The following CDON variants were observed in gnomAD, a reference collection of about 807,000 sequenced individuals.
The protein encoded by CDON is cell adhesion molecule-related/down-regulated by oncogenes.
CDON carries 73 observed loss-of-function variants against 120.9 expected under a neutral mutation model. That is an observed-to-expected ratio of 0.60 (90% CI 0.50 to 0.73). The LOEUF (loss-of-function observed/expected upper bound fraction) is 0.73, where lower values mean the gene tolerates loss of function less well. CDON is among the 30% of genes least tolerant of loss of function. The pLI is 0.00. For missense variants in CDON, 1,470 were observed against 1,587.3 expected (o/e 0.93, Z 1.26); for synonymous variants, 566 against 573.5 (o/e 0.99, Z 0.19).
At chr11:126,016,530 T>C (rs1043902620) in intron 6 of CDON, among the ~76,000 whole-genome samples, 3 of 152,162 alleles carry the variant, frequency 2.0e-5, no homozygotes, top group African/African-American at 4.8e-5. Flanking sequence ...CCTCCCGGGT[T>C]CAAACCACCC....
At chr11:125,965,726 T>G (rs1441304613) in intron 18 of CDON, among the ~76,000 whole-genome samples, 1 of 152,204 alleles carries the variant, frequency 6.6e-6, no homozygotes, top group African/African-American at 2.4e-5. Context: ...AATCCCAGAA[T>G]GACTTAAAGT....
In CDON at chr11:125,993,395, G is replaced by GCA. The variant is rs72031190; in HGVS notation, c.2650+887_2650+888dup. On this transcript the variant is annotated intron_variant, in intron 14 of 19. Transcript: ENST00000531738. ...CTCACACACACATGCGCGCGTGCGTGCACACACACACACACACACACACAC... is the reference window on the plus strand; with the variant it reads ...CTCACACACACATGCGCGCGTGCGTGCACACACACACACACACACACACACAC... Among the ~76,000 whole-genome samples, 121 of 150,998 alleles carry GCA rather than the reference G, an allele frequency of 8.0e-4. No homozygotes were observed. The East Asian group carries it at 9.4e-3, about 12-fold the overall frequency.
chr11:126,063,076 CA>C (rs1948846444), upstream of CDON: 1 of 152,086 alleles, frequency 6.6e-6, no homozygotes, highest in South Asian at 2.1e-4. Context: ...GCGGCGGGGG[CA>C]CGGGCCGTAC....
chr11:126,063,011 T>C (rs1467995739), upstream of CDON, among the ~76,000 whole-genome samples: 1 of 151,512 alleles, frequency 6.6e-6, no homozygotes, highest in Non-Finnish European at 1.5e-5. Context: ...TAGAGGCCGC[T>C]GTGCCCCGCC....
intron 1 of CDON, among the ~76,000 whole-genome samples, chr11:126,043,850 G>A (rs1203541498): frequency 1.3e-5 from 2 of 152,176 alleles, no homozygotes; most frequent in African/African-American, 4.8e-5. Context: ...TGGATTTCAG[G>A]AGGTATGAAA....
At chr11:125,972,662 G>C (rs1204113106) in intron 18 of CDON, among the ~76,000 whole-genome samples, 1 of 152,108 alleles carries the variant, frequency 6.6e-6, no homozygotes, top group Non-Finnish European at 1.5e-5. Context: ...ATAGATGGGT[G>C]ATAAAAGGGG....
chr11:126,038,450 G>A (rs491876), intron 1 of CDON, among the ~76,000 whole-genome samples: 22,452 of 152,044 alleles, frequency 0.15, 1,837 homozygotes, highest in Middle Eastern at 0.25. Context: ...TCAGGAGTTC[G>A]AGACCAGCCT....
intron 1 of CDON, among the ~76,000 whole-genome samples, chr11:126,040,956 C>A (rs1211107871): frequency 2.0e-5 from 3 of 150,982 alleles, no homozygotes; most frequent in Non-Finnish European, 4.4e-5. Flanking sequence ...TTTAGGAGGC[C>A]GAGGCGGGCG....
intron 11 of CDON, among the ~76,000 whole-genome samples, chr11:126,000,214 T>G (rs1468185759): frequency 7.3e-6 from 1 of 136,230 alleles, no homozygotes; most frequent in Non-Finnish European, 1.6e-5. Flanking sequence ...CTGTAATTTT[T>G]TTAAAAAAAT....
At chr11:126,003,793 C>T (rs1188865625) in intron 10 of CDON, 109 bp downstream of exon 10, 5 of 1,034,698 alleles carry the variant, frequency 4.8e-6, no homozygotes, top group Non-Finnish European at 7.4e-6. Flanking sequence ...GCACTCCAGC[C>T]TGCGTGACAG....
chr11:125,967,240 G>A (rs953821764), intron 18 of CDON, among the ~76,000 whole-genome samples: 9 of 152,162 alleles, frequency 5.9e-5, no homozygotes, highest in East Asian at 3.8e-4. Flanking sequence ...CTGGAAAGTC[G>A]TAAAAGTCCT....
chr11:126,031,639 TCTA>T (rs1947947365), intron 1 of CDON, among the ~76,000 whole-genome samples: 1 of 152,228 alleles, frequency 6.6e-6, no homozygotes, highest in African/African-American at 2.4e-5. Context: ...TTAGTGAGAT[TCTA>T]CTAATCTTCT....
chr11:125,984,893 T>C (rs894340633), intron 15 of CDON, among the ~76,000 whole-genome samples: 1 of 152,106 alleles, frequency 6.6e-6, no homozygotes, highest in Admixed American at 6.5e-5. Context: ...CACATAGTAT[T>C]AAGCATTCCA....
At chr11:126,030,543 C>T (rs532168430) in intron 1 of CDON, among the ~76,000 whole-genome samples, 4 of 152,184 alleles carry the variant, frequency 2.6e-5, no homozygotes, top group Admixed American at 6.5e-5. Flanking sequence ...AGTTAGATTC[C>T]GTTTTTTAAA....
intron 18 of CDON, among the ~76,000 whole-genome samples, chr11:125,976,408 G>A (rs1946149591): frequency 6.6e-6 from 1 of 152,018 alleles, no homozygotes; most frequent in South Asian, 2.1e-4. Context: ...TTGAAACCAG[G>A]AAGAAAAAGA....
intron 7 of CDON, among the ~76,000 whole-genome samples, chr11:126,014,058 A>G (rs1447649536): frequency 6.6e-6 from 1 of 152,120 alleles, no homozygotes. Flanking sequence ...GTCCAAATAC[A>G]TGCCAATTTT....
chr11:125,996,535 C>T (rs1321546695), intron 12 of CDON, among the ~76,000 whole-genome samples: 1 of 151,486 alleles, frequency 6.6e-6, no homozygotes, highest in Non-Finnish European at 1.5e-5. Flanking sequence ...CCCATCTCTA[C>T]TAAAAAATAC....
In CDON at chr11:126,037,337, G is replaced by T. The variant is rs571804451; in HGVS notation, c.-61-13800C>A. ...CTGGTCTTGAACTTCTGATCTCAAG[G>T]GCTCTGCCCACCTTAGCCTCCCAAA... On this transcript the variant is annotated intron_variant, in intron 1 of 19. Transcript: ENST00000531738. Among the ~76,000 whole-genome samples the T allele has an allele frequency of 1.3e-4, 20 of 151,860 alleles. 1 individual carries two copies. Among genetic ancestry groups the T allele is most frequent in the African/African-American group, 4.6e-4 (19 of 41,456 alleles).
At chr11:125,984,696 C>CAA (rs11306066) in intron 15 of CDON, among the ~76,000 whole-genome samples, 1 of 115,416 alleles carries the variant, frequency 8.7e-6, no homozygotes, top group Admixed American at 8.6e-5. Context: ...GATTCTGTCT[C>CAA]AAAAAAAAAA....
Sources: allele counts gnomAD v4.1 joint callset (sites outside exome capture counted in the v4.1 genomes callset), GRCh38; gene constraint gnomAD v4.1.1; transcripts MANE v1.5; gene names NCBI Gene and HGNC (gene_info 2026-07-23, HGNC 2026-07-21).